Variants in ACACB observed in about 807,000 individuals in gnomAD.
The protein encoded by ACACB is acetyl-CoA carboxylase beta, also known as acetyl-CoA carboxylase 2.
In ACACB, 209 loss-of-function variants were observed where a neutral mutation model predicts 278.8. That is an observed-to-expected ratio of 0.75 (90% CI 0.67 to 0.84). The LOEUF (loss-of-function observed/expected upper bound fraction) is 0.84, where lower values mean the gene tolerates loss of function less well. ACACB is among the 40% of genes least tolerant of loss of function. The probability of loss-of-function intolerance (pLI) is 0.00; values close to 1 mark genes in which losing one functional copy is unlikely to be tolerated. For synonymous variants in ACACB, 1,174 were observed against 1,285.6 expected, an observed-to-expected ratio of 0.91 and a Z score of 1.86; for missense variants, 2,850 against 3,269.0, an observed-to-expected ratio of 0.87 and a Z score of 3.13.
intron 22 of ACACB, among the ~76,000 whole-genome samples, chr12:109,214,713 G>A (rs562213843): frequency 9.2e-5 from 14 of 152,020 alleles, no homozygotes; most frequent in African/African-American, 3.4e-4. Context: ...GCCATGAAGC[G>A]TCTACTTCCC....
intron 11 of ACACB, among the ~76,000 whole-genome samples, chr12:109,181,809 G>C (rs1025485899): frequency 6.9e-6 from 1 of 145,332 alleles, no homozygotes; most frequent in Non-Finnish European, 1.5e-5. Flanking sequence ...GTCCTTGCTA[G>C]CACTTCTTTT....
chr12:109,199,515 G>A lies in ACACB; in HGVS notation c.2741G>A (p.Gly914Asp). ...KLTQYTVEDG[G>D]HVEAGSSYAE... is the part of the protein sequence containing the mutation. ...ACACAGTACACAGTGGAGGATGGGG[G>A]CCACGTTGAGGCTGGGAGCAGCTAC... Residue 914 changes from glycine to aspartate, a missense_variant, in exon 18 of 53, where the codon GGC becomes GAC. Gly to Asp is a moderately conservative substitution (Grantham distance 94, BLOSUM62 -1). Transcript: ENST00000338432. 5 of 1,523,684 alleles carry A rather than the reference G, an allele frequency of 3.3e-6. No homozygotes were observed. The highest frequency in any genetic ancestry group is 1.4e-5 in the African/African-American group (1 of 71,030). 94.4% of individuals were successfully genotyped at this position (1,523,684 alleles called of 1,614,324 possible).
At chr12:109,184,581 G>A (rs1375604745) in intron 11 of ACACB, among the ~76,000 whole-genome samples, 1 of 151,750 alleles carries the variant, frequency 6.6e-6, no homozygotes, top group East Asian at 1.9e-4. Flanking sequence ...GCTGTTTTTT[G>A]TCTCTTAAAT....
At chr12:109,174,251 C>T in intron 7 of ACACB, 21 bp downstream of exon 7, 1 of 1,587,588 alleles carries the variant, frequency 6.3e-7, no homozygotes, top group Non-Finnish European at 8.6e-7. Flanking sequence ...CCGAGCTTCC[C>T]TCTGGGGGAG....
Position 109,119,378 on chromosome 12 carries a change from T to C in ACACB, c.-10+2674T>C, listed in dbSNP as rs555138040. Among the ~76,000 whole-genome samples, 7 of 150,110 alleles carry C rather than the reference T, an allele frequency of 4.7e-5. No homozygotes were observed. The South Asian group carries it at 1.5e-3, about 32-fold the overall frequency. ...GGCTGAGGAGCTAGATCACTTGAGG[T>C]CAGGAGTTTGAGACCAACCTGGCCA... On this transcript the variant is annotated intron_variant, in intron 1 of 52. Coordinates refer to ENST00000338432, the MANE Select transcript of ACACB (RefSeq NM_001093.4).
Position 109,206,429 on chromosome 12 carries a change from A to AAAAAAAAAAAAAAAAAC in ACACB, c.2914-266_2914-265insACAAAAAAAAAAAAAAA, listed in dbSNP as rs386377723. ...AGCCTGGGGACAATGCGAGTGTCTC[A>AAAAAAAAAAAAAAAAAC]AAAAAAAAAAAAAAACAGATCTCAC... On this transcript the variant is annotated intron_variant, in intron 19 of 52. Coordinates refer to ENST00000338432, the MANE Select transcript of ACACB (RefSeq NM_001093.4). Among the ~76,000 whole-genome samples the AAAAAAAAAAAAAAAAAC allele has an allele frequency of 5.4e-5, 4 of 74,376 alleles. 1 individual carries two copies. Among genetic ancestry groups the AAAAAAAAAAAAAAAAAC allele is most frequent in the African/African-American group, 1.5e-4 (3 of 19,748 alleles). The allele number at this position is 74,376 out of a possible 152,430, so 48.8% of individuals were successfully genotyped here.
rs1352194050 is a variant in ACACB, at chr12:109,266,881, T to C, written c.*519T>C. On this transcript the variant is annotated 3_prime_UTR_variant, in exon 53 of 53. Transcript: ENST00000338432. ...TGATGTTTCTTTGGATACTGTCTAG[T>C]CACCCAGAAAAATGTATGGATGAAT... is the stretch of plus-strand genomic sequence containing the variant. 6.6e-6 allele frequency: 1 copy of C among 150,686 alleles called. No individual in the cohort carries two copies. The highest frequency in any genetic ancestry group is 1.5e-5 in the Non-Finnish European group (1 of 67,886). 9.3% of individuals were successfully genotyped at this position (150,686 alleles called of 1,614,324 possible).
At chr12:109,249,737 C>A (rs1217370239) in intron 40 of ACACB, 1 of 310,896 alleles carries the variant, frequency 3.2e-6, no homozygotes, top group African/African-American at 2.2e-5. Flanking sequence ...AGTAATCTGC[C>A]CGCCTCGTCC....
chr12:109,211,021 G>A (rs1023286170), intron 21 of ACACB, among the ~76,000 whole-genome samples: 2 of 146,704 alleles, frequency 1.4e-5, no homozygotes, highest in Non-Finnish European at 2.9e-5. Flanking sequence ...TCGGCCTCGC[G>A]TTGTTCATTT....
Position 109,179,912 on chromosome 12 carries a change from C to A in ACACB, c.1648-5C>A. On this transcript the variant is annotated splice_region_variant and splice_polypyrimidine_tract_variant and intron_variant, in intron 10 of 52. Coordinates refer to ENST00000338432, the MANE Select transcript of ACACB (RefSeq NM_001093.4). ...CCCCCTTGGCCTCTTTCTGTTTCTT[C>A]ACAGTGTGCCATCCGCCTGGCCAAG... The A allele has an allele frequency of 6.3e-7, 1 of 1,598,286 alleles. No individual in the cohort carries two copies. The highest frequency in any genetic ancestry group is 1.1e-5 in the South Asian group (1 of 90,714).
At position 109,241,202 on chromosome 12, in the gene ACACB, G is replaced by T; in HGVS notation, c.4943G>T (p.Arg1648Leu). 6 of 1,614,158 alleles carry T rather than the reference G, an allele frequency of 3.7e-6. No individual in the cohort carries two copies. Among genetic ancestry groups the T allele is most frequent in the Non-Finnish European group, 5.1e-6 (6 of 1,180,026 alleles). Residue 1648 changes from arginine (R) to leucine (L), a missense_variant, in exon 36 of 53, where the codon CGC (arginine) becomes CTC (leucine). Arg to Leu is a moderately radical substitution (Grantham distance 102). Around this residue, in one of 3 missense-constraint regions of ACACB, gnomAD observed 2,265 missense variants for 2,561.3 expected, o/e 0.88. Coordinates refer to ENST00000338432, the MANE Select transcript of ACACB (RefSeq NM_001093.4). The stretch of plus-strand genomic sequence containing the variant: ...ACCACCGGCAGTGCCGTTCCCATCC[G>T]CCTGTTCATCACCAATGAGTCGGGC... ...QTTTGSAVPI[R>L]LFITNESGYY...
chr12:109,201,682 A>G lies in ACACB; in HGVS notation c.2894A>G (p.Asp965Gly), dbSNP rs1329530168. Reference protein sequence around the residue: ...GCVVARLELDDPSKVHPAEPF... With the variant: ...GCVVARLELDGPSKVHPAEPF... ...GTGGTGGCCAGGCTGGAGCTCGATG[A>G]CCCTTCTAAAGTCCACCCGGTATGT... The change falls in exon 19 of 53, where the codon GAC becomes GGC. Residue 965 changes from aspartate (D) to glycine (G), a missense_variant. This residue lies in a region of ACACB where 2,265 missense variants were observed against 2,561.3 expected (regional missense o/e 0.88). Transcript: ENST00000338432. The G allele has an allele frequency of 1.2e-6, 2 of 1,613,774 alleles. No individual in the cohort carries two copies. The highest frequency in any genetic ancestry group is 8.5e-7 in the Non-Finnish European group (1 of 1,179,970).
Position 109,266,692 on chromosome 12 carries a change from G to A in ACACB, c.*330G>A, listed in dbSNP as rs373274368. The A allele has an allele frequency of 2.6e-4, 46 of 175,402 alleles. No homozygotes were observed. The highest frequency in any genetic ancestry group is 9.0e-4 in the African/African-American group (38 of 42,384). The allele number at this position is 175,402 out of a possible 1,614,324, so 10.9% of individuals were successfully genotyped here. On this transcript the variant is annotated 3_prime_UTR_variant, in exon 53 of 53. Coordinates refer to ENST00000338432, the MANE Select transcript of ACACB (RefSeq NM_001093.4). The stretch of plus-strand genomic sequence containing the variant: ...AGTGCCTGGCATGTGGGATCCAGGC[G>A]TTCTTTAGGATCCTTGGATACCACA...
At chr12:109,171,673 T>C in intron 4 of ACACB, 132 bp from the exon 5 acceptor site, 1 of 690,742 alleles carries the variant, frequency 1.4e-6, no homozygotes, top group Admixed American at 2.5e-5. Context: ...TTCATACATG[T>C]TTGTCCATTG....
At chr12:109,188,271 C>A (rs779149846) in intron 13 of ACACB, 109 bp downstream of exon 13, 3 of 1,175,184 alleles carry the variant, frequency 2.6e-6, no homozygotes, top group Non-Finnish European at 2.4e-6. Flanking sequence ...CCCTCTTTCT[C>A]CTCCCTTCCT....
At chr12:109,252,893 T>G in intron 42 of ACACB, 122 bp from the exon 43 acceptor site, 1 of 964,708 alleles carries the variant, frequency 1.0e-6, no homozygotes, top group Middle Eastern at 3.7e-4. Context: ...CATCAGGATT[T>G]GTGAAATCTC....
At chr12:109,155,570 T>C (rs549518312) in intron 2 of ACACB, among the ~76,000 whole-genome samples, 4 of 152,182 alleles carry the variant, frequency 2.6e-5, no homozygotes, top group African/African-American at 9.6e-5. Context: ...TTGTTAACAG[T>C]TGTATATTCT....
intron 2 of ACACB, among the ~76,000 whole-genome samples, chr12:109,142,772 G>A (rs1355647223): frequency 6.6e-6 from 1 of 151,990 alleles, no homozygotes; most frequent in South Asian, 2.1e-4. Flanking sequence ...TCACCATGTT[G>A]GCCAGTCTGG....
chr12:109,198,550 G>C (rs867024554), intron 17 of ACACB, among the ~76,000 whole-genome samples: 12 of 152,134 alleles, frequency 7.9e-5, no homozygotes, highest in African/African-American at 2.7e-4. Flanking sequence ...ACAATGATTA[G>C]CCAAGTGTGG....
Sources: allele counts gnomAD v4.1 joint callset (sites outside exome capture counted in the v4.1 genomes callset), GRCh38; gene constraint gnomAD v4.1.1; regional missense constraint gnomAD v4.1.1; transcripts MANE v1.5; gene names NCBI Gene and HGNC (gene_info 2026-07-23, HGNC 2026-07-21).